FSTL5: variants seen among roughly 807,000 people sequenced by gnomAD.
The protein encoded by FSTL5 is follistatin like 5.
FSTL5 carries 62 observed loss-of-function variants against 89.1 expected under a neutral mutation model. The ratio of observed to expected loss-of-function variants is 0.70; its 90% CI spans 0.57 to 0.86. FSTL5 has a LOEUF of 0.86. FSTL5 is among the 40% of genes least tolerant of loss of function. FSTL5 has a pLI of 0.00. For missense variants in FSTL5, 1,057 were observed against 1,001.6 expected, an observed-to-expected ratio of 1.06 and a Z score of -0.75; for synonymous variants, 383 against 346.2, an observed-to-expected ratio of 1.11 and a Z score of -1.18.
At chr4:161,438,532 TTC>T (rs1355172587) in intron 15 of FSTL5, among the ~76,000 whole-genome samples, 1 of 152,194 alleles carries the variant, frequency 6.6e-6, no homozygotes, top group African/African-American at 2.4e-5. Context: ...CCCAGTTAGC[TTC>T]TCATATAGCT....
intron 10 of FSTL5, among the ~76,000 whole-genome samples, chr4:161,529,824 A>G (rs776381809): frequency 7.0e-6 from 1 of 142,496 alleles, no homozygotes; most frequent in Admixed American, 7.6e-5. Context: ...TATTCTATCT[A>G]TCTCACAGTT....
At chr4:161,554,257 T>C (rs1392743435) in intron 8 of FSTL5, among the ~76,000 whole-genome samples, 1 of 151,460 alleles carries the variant, frequency 6.6e-6, no homozygotes, top group Non-Finnish European at 1.5e-5. Flanking sequence ...GAAGGGTAGA[T>C]AGATATATTT....
At chr4:161,820,261 TTA>T (rs1444244494) in intron 4 of FSTL5, among the ~76,000 whole-genome samples, 1 of 152,128 alleles carries the variant, frequency 6.6e-6, no homozygotes, top group African/African-American at 2.4e-5. Flanking sequence ...TATTTTCCAC[TTA>T]TATTCAAGTT....
chr4:161,996,655 T>C lies in FSTL5; in HGVS notation c.160+36970A>G, dbSNP rs538175401. ...AGCCTAATACTTTTCCTGCCTTCAG[T>C]TGTGTCACATTTTGCACCACCTGGT... On this transcript the variant is annotated intron_variant, in intron 3 of 15. Coordinates refer to ENST00000306100, the MANE Select transcript of FSTL5 (RefSeq NM_020116.5). Among the ~76,000 whole-genome samples the C allele has an allele frequency of 3.3e-5, 5 of 152,340 alleles. No individual in the cohort carries two copies. The South Asian group carries it at 6.2e-4, about 19-fold the overall frequency.
chr4:161,443,648 T>C (rs920153952), intron 15 of FSTL5, among the ~76,000 whole-genome samples: 5 of 152,110 alleles, frequency 3.3e-5, no homozygotes, highest in South Asian at 2.1e-4. Flanking sequence ...TAAGGTTGAA[T>C]GCCTTCAACA....
intron 13 of FSTL5, among the ~76,000 whole-genome samples, chr4:161,480,109 C>T (rs147791999): frequency 6.6e-6 from 1 of 152,100 alleles, no homozygotes; most frequent in Non-Finnish European, 1.5e-5. Flanking sequence ...TGAAAACATT[C>T]TCTGTAAATG....
chr4:162,003,989 T>C (rs1483719704), intron 3 of FSTL5, among the ~76,000 whole-genome samples: 2 of 152,200 alleles, frequency 1.3e-5, no homozygotes, highest in Non-Finnish European at 2.9e-5. Flanking sequence ...GCATTAGACC[T>C]AATTCATAAG....
At chr4:162,076,813 C>T (rs182232137) in intron 2 of FSTL5, among the ~76,000 whole-genome samples, 22 of 151,856 alleles carry the variant, frequency 1.4e-4, no homozygotes, top group Admixed American at 4.6e-4. Context: ...TTCTCAGACA[C>T]GGGGCTGATG....
rs373697612 is a variant in FSTL5, at chr4:161,782,337, C to T, written c.410-6263G>A. ...CTGTCAAAGTCTCTTCCAAAGTGGC[C>T]GTACCATTTTGTATTCCAGCAAGCA... On this transcript the variant is annotated intron_variant, in intron 4 of 15. Coordinates refer to ENST00000306100, the MANE Select transcript of FSTL5 (RefSeq NM_020116.5). Among the ~76,000 whole-genome samples the T allele has an allele frequency of 7.9e-5, 12 of 152,186 alleles. No homozygotes were observed. The South Asian group carries it at 1.7e-3, about 21-fold the overall frequency.
intron 3 of FSTL5, among the ~76,000 whole-genome samples, chr4:162,021,046 A>G (rs993808722): frequency 6.6e-6 from 1 of 152,040 alleles, no homozygotes; most frequent in African/African-American, 2.4e-5. Context: ...CTCCCATTTT[A>G]TATTGTTCAA....
At chr4:162,143,817 CACATACAA>C (rs201275416) in intron 1 of FSTL5, among the ~76,000 whole-genome samples, 7,996 of 115,538 alleles carry the variant, frequency 0.069, 228 homozygotes, top group Non-Finnish European at 0.091. Flanking sequence ...CACACACACA[CACATACAA>C]ACACACACGG....
intron 10 of FSTL5, among the ~76,000 whole-genome samples, chr4:161,535,545 A>C (rs530761004): frequency 6.6e-6 from 1 of 152,266 alleles, no homozygotes; most frequent in African/African-American, 2.4e-5. Context: ...ATATCATCGC[A>C]CACCAGTCAG....
intron 3 of FSTL5, among the ~76,000 whole-genome samples, chr4:161,968,099 G>A (rs1735377726): frequency 6.6e-6 from 1 of 151,710 alleles, no homozygotes; most frequent in African/African-American, 2.4e-5. Context: ...TAAATACTCT[G>A]GTCCTTCACT....
At chr4:161,588,841 G>A (rs1230047903) in intron 7 of FSTL5, among the ~76,000 whole-genome samples, 1 of 152,072 alleles carries the variant, frequency 6.6e-6, no homozygotes, top group Non-Finnish European at 1.5e-5. Context: ...AAGGGAAAGA[G>A]CAGGTCTGAA....
intron 3 of FSTL5, among the ~76,000 whole-genome samples, chr4:162,004,672 A>G (rs1736564594): frequency 1.3e-5 from 2 of 152,156 alleles, no homozygotes; most frequent in African/African-American, 4.8e-5. Context: ...ACTTTTTATT[A>G]AATAAAATTA....
chr4:162,069,754 A>C (rs1729525660), intron 2 of FSTL5, among the ~76,000 whole-genome samples: 1 of 151,980 alleles, frequency 6.6e-6, no homozygotes, highest in African/African-American at 2.4e-5. Context: ...TAGTATTCCA[A>C]TATGCATATA....
chr4:161,605,924 G>C (rs954483479), intron 7 of FSTL5, among the ~76,000 whole-genome samples: 1 of 149,490 alleles, frequency 6.7e-6, no homozygotes, highest in African/African-American at 2.6e-5. Flanking sequence ...CAAATGTAAT[G>C]CAAGCAGAGA....
chr4:161,687,196 G>C (rs1245410376), intron 6 of FSTL5, among the ~76,000 whole-genome samples: 1 of 152,150 alleles, frequency 6.6e-6, no homozygotes, highest in Non-Finnish European at 1.5e-5. Flanking sequence ...ACAATGGCTA[G>C]TGACATTTAT....
rs115066088 is a variant in FSTL5 at position 161,648,746 on chromosome 4, A to G, written c.894+7582T>C. On this transcript the variant is annotated intron_variant, in intron 7 of 15. Coordinates refer to ENST00000306100, the MANE Select transcript of FSTL5 (RefSeq NM_020116.5). ...CTCCTGTGACACATACAATCTATGCACTGAAGGGCCCTAAATGTAGGTTCT... is the reference window on the plus strand; with the variant it reads ...CTCCTGTGACACATACAATCTATGCGCTGAAGGGCCCTAAATGTAGGTTCT... 5.4e-3 allele frequency among the ~76,000 whole-genome samples: 822 copies of G among 152,238 alleles called. 11 individuals are homozygous for G. The highest frequency in any genetic ancestry group is 0.018 in the African/African-American group (740 of 41,544).
Sources: gnomAD v4.1 joint callset for allele counts (sites outside exome capture counted in the v4.1 genomes callset) on GRCh38, gnomAD v4.1.1 for gene constraint, MANE v1.5 for transcripts, NCBI Gene and HGNC (gene_info 2026-07-23, HGNC 2026-07-21) for gene names.